The following SLC22A9 variants were observed in gnomAD, a reference collection of about 807,000 sequenced individuals.
SLC22A9 encodes solute carrier family 22 member 9, also known as organic anion transporter 7.
SLC22A9 carries 64 observed loss-of-function variants against 50.1 expected under a neutral mutation model. That is an observed-to-expected ratio of 1.28 (90% CI 1.04 to 1.57). The LOEUF (loss-of-function observed/expected upper bound fraction) is 1.57, where lower values mean the gene tolerates loss of function less well. Among genes scored for constraint, SLC22A9 ranks in the 40% most tolerant of loss-of-function variants. The pLI is 0.00. For synonymous variants in SLC22A9, 261 were observed against 242.5 expected, an observed-to-expected ratio of 1.08 and a Z score of -0.71; for missense variants, 757 against 676.1, an observed-to-expected ratio of 1.12 and a Z score of -1.33.
chr11:63,383,061 C>T (rs190707009), intron 6 of SLC22A9, among the ~76,000 whole-genome samples: 70 of 152,240 alleles, frequency 4.6e-4, no homozygotes, highest in African/African-American at 1.6e-3. Flanking sequence ...TCACTCAGAG[C>T]ACTTATGGAA....
At chr11:63,403,003 A>G (rs1211718540) in intron 6 of SLC22A9, among the ~76,000 whole-genome samples, 1 of 152,126 alleles carries the variant, frequency 6.6e-6, no homozygotes, top group East Asian at 1.9e-4. Flanking sequence ...ACACTTTCCA[A>G]AATATATCAA....
Position 63,395,452 on chromosome 11 carries a change from C to T in SLC22A9, c.1074-11045C>T, listed in dbSNP as rs138196208. ...ACTCTCCCTTTTTCTAGGGATGTGG[C>T]TTCCTGAGAGCTGAGCTGCACTGAT... On this transcript the variant is annotated intron_variant, in intron 6 of 9. Coordinates refer to ENST00000279178, the MANE Select transcript of SLC22A9 (RefSeq NM_080866.3). Among the ~76,000 whole-genome samples the T allele has an allele frequency of 1.8e-4, 28 of 152,272 alleles. No homozygotes were observed. The East Asian group carries it at 5.4e-3, about 29-fold the overall frequency.
intron 6 of SLC22A9, among the ~76,000 whole-genome samples, chr11:63,398,107 C>A (rs745386474): frequency 3.3e-5 from 5 of 152,158 alleles, no homozygotes; most frequent in Admixed American, 6.6e-5. Context: ...GGTGATGAAT[C>A]CTGTCAGGCC....
intron 6 of SLC22A9, among the ~76,000 whole-genome samples, chr11:63,397,446 T>C (rs1299413086): frequency 6.6e-6 from 1 of 152,072 alleles, no homozygotes; most frequent in Non-Finnish European, 1.5e-5. Flanking sequence ...GCTGGCTAGG[T>C]TCATGTTATT....
At position 63,408,873 on chromosome 11, in the gene SLC22A9, A is replaced by G; in HGVS notation, c.1595A>G (p.Lys532Arg). Reference protein sequence around the residue: ...KPLFDTIQDEKNERKDPREPK... With the variant: ...KPLFDTIQDERNERKDPREPK... ...CTGTTTGACACCATCCAGGATGAGA[A>G]AAATGAGTGAGTAAATAGCCCGGTT... Residue 532 changes from lysine to arginine, a missense_variant, in exon 9 of 10, where the codon AAA becomes AGA. Lys to Arg is a conservative substitution (Grantham distance 26). Transcript: ENST00000279178. 6.2e-7 allele frequency: 1 copy of G among 1,613,884 alleles called. No individual in the cohort carries two copies. Among genetic ancestry groups the G allele is most frequent in the Non-Finnish European group, 8.5e-7 (1 of 1,179,846 alleles).
intron 6 of SLC22A9, among the ~76,000 whole-genome samples, chr11:63,397,655 A>G (rs1239072685): frequency 6.6e-6 from 1 of 152,070 alleles, no homozygotes; most frequent in Non-Finnish European, 1.5e-5. Flanking sequence ...TCTCATGGCC[A>G]CCACCACCCC....
rs952132771 is a variant in SLC22A9, at chr11:63,409,941, C to G, written c.*79C>G. The stretch of plus-strand genomic sequence containing the variant: ...GACTATTCCTAGACACTAGCAAAAT[C>G]TAGAAAATAAATAACAAGGCTGGGT... On this transcript the variant is annotated 3_prime_UTR_variant, in exon 10 of 10. Transcript: ENST00000279178. 6.6e-7 allele frequency: 1 copy of G among 1,518,548 alleles called. No homozygotes were observed. The highest frequency in any genetic ancestry group is 9.1e-7 in the Non-Finnish European group (1 of 1,098,564). 94.1% of individuals were successfully genotyped at this position (1,518,548 alleles called of 1,614,324 possible).
chr11:63,372,195 T>C (rs568949585), intron 2 of SLC22A9, among the ~76,000 whole-genome samples: 5 of 152,250 alleles, frequency 3.3e-5, no homozygotes, highest in African/African-American at 7.2e-5. Flanking sequence ...AGGGACAAGA[T>C]AACCTAAGGA....
intron 5 of SLC22A9, among the ~76,000 whole-genome samples, chr11:63,377,478 G>A (rs1349837449): frequency 6.6e-6 from 1 of 151,932 alleles, no homozygotes; most frequent in Non-Finnish European, 1.5e-5. Flanking sequence ...AGAAATTAAG[G>A]CAGAAATCAA....
In SLC22A9 at chr11:63,406,701, T is replaced by G; in HGVS notation, c.1278T>G (p.Phe426Leu). 6.2e-7 allele frequency: 1 copy of G among 1,613,474 alleles called. No homozygotes were observed. The highest frequency in any genetic ancestry group is 8.5e-7 in the Non-Finnish European group (1 of 1,179,706). Residue 426 changes from phenylalanine to leucine, a missense_variant, in exon 7 of 10, where the codon TTT (phenylalanine) becomes TTG (leucine). Transcript: ENST00000279178. ...CAATCTGCCTTCTGGCCATCATATT[T>G]GTGCCACAAGGTGAGAAAAGATCAC... is the stretch of plus-strand genomic sequence containing the variant. The part of the protein sequence containing the change: ...LLAICLLAII[F>L]VPQEMQTLRE...
chr11:63,404,424 T>C (rs1220406994), intron 6 of SLC22A9, among the ~76,000 whole-genome samples: 1 of 152,186 alleles, frequency 6.6e-6, no homozygotes, highest in Non-Finnish European at 1.5e-5. Context: ...AATACTGTAC[T>C]GTATCTAAAA....
intron 5 of SLC22A9, 56 bp from the exon 6 acceptor site, chr11:63,382,103 C>A: frequency 1.5e-6 from 2 of 1,367,062 alleles, no homozygotes; most frequent in Non-Finnish European, 2.0e-6. Context: ...AGTGCGCCTA[C>A]AGTGCCTACT....
At position 63,373,671 on chromosome 11, in the gene SLC22A9, G is replaced by A. The variant is rs1258987685; in HGVS notation, c.534G>A (p.Trp178Ter). ...TTGGGAGAAGGTTCGTGCTCAGATG[G>A]TGTTACCTCCAGGTTGCCATTGTTG... is the stretch of plus-strand genomic sequence containing the variant. Reference protein sequence around the residue: ...DRFGRRFVLRWCYLQVAIVGT... With the variant: ...DRFGRRFVLR The change falls in exon 3 of 10, where the codon TGG becomes TGA. Residue 178 changes from tryptophan (W) to a stop codon, truncating the protein, a stop_gained. Transcript: ENST00000279178. LOFTEE classifies it high-confidence loss of function. 4 of 1,595,354 alleles carry A rather than the reference G, an allele frequency of 2.5e-6. No individual in the cohort carries two copies. The highest frequency in any genetic ancestry group is 3.4e-6 in the Non-Finnish European group (4 of 1,173,090).
intron 6 of SLC22A9, among the ~76,000 whole-genome samples, chr11:63,387,916 G>A (rs778259567): frequency 2.0e-5 from 3 of 151,812 alleles, no homozygotes; most frequent in Non-Finnish European, 2.9e-5. Flanking sequence ...ACTATTGTAA[G>A]CATGTTGACT....
Position 63,409,884 on chromosome 11 carries a change from C to T in SLC22A9, c.*22C>T, listed in dbSNP as rs773860512. The T allele has an allele frequency of 1.6e-5, 26 of 1,612,264 alleles. 1 individual carries two copies. Among genetic ancestry groups the T allele is most frequent in the South Asian group, 9.9e-5 (9 of 91,018 alleles). On this transcript the variant is annotated 3_prime_UTR_variant, in exon 10 of 10. Coordinates refer to ENST00000279178, the MANE Select transcript of SLC22A9 (RefSeq NM_080866.3). The stretch of plus-strand genomic sequence containing the variant: ...TTAAGGAATTCCAGGAGCTGACTGC[C>T]GATCAATGAGCCAGATGAAGGGAAC...
chr11:63,407,564 AC>A (rs768598286), intron 7 of SLC22A9, among the ~76,000 whole-genome samples: 8 of 152,144 alleles, frequency 5.3e-5, no homozygotes, highest in Non-Finnish European at 1.2e-4. Context: ...CCAAAGTCTG[AC>A]TTTTTTTCCT....
rs751884762 is a variant in SLC22A9, at chr11:63,370,053, C to A, written c.-4C>A. The stretch of plus-strand genomic sequence containing the variant: ...TCTACTTGAGGATCAACTGTTCAAC[C>A]TCAATGGCCTTTCAGGACCTCCTGG... On this transcript the variant is annotated 5_prime_UTR_variant, in exon 1 of 10. Coordinates refer to ENST00000279178, the MANE Select transcript of SLC22A9 (RefSeq NM_080866.3). 2 of 1,607,374 alleles carry A rather than the reference C, an allele frequency of 1.2e-6. No individual in the cohort carries two copies. Among genetic ancestry groups the A allele is most frequent in the Admixed American group, 3.4e-5 (2 of 59,664 alleles).
At chr11:63,397,444 G>A (rs1344948288) in intron 6 of SLC22A9, among the ~76,000 whole-genome samples, 4 of 152,126 alleles carry the variant, frequency 2.6e-5, no homozygotes, top group Admixed American at 2.6e-4. Context: ...AAGCTGGCTA[G>A]GTTCATGTTA....
intron 6 of SLC22A9, among the ~76,000 whole-genome samples, chr11:63,386,074 G>C (rs1397371920): frequency 1.3e-5 from 2 of 152,100 alleles, no homozygotes; most frequent in Non-Finnish European, 2.9e-5. Context: ...CTTTAGTTCT[G>C]TTTATGTGAT....
Sources: allele counts gnomAD v4.1 joint callset (sites outside exome capture counted in the v4.1 genomes callset), GRCh38; gene constraint gnomAD v4.1.1; transcripts MANE v1.5; gene names NCBI Gene and HGNC (gene_info 2026-07-23, HGNC 2026-07-21).